Variants in USP43 observed in about 807,000 individuals in gnomAD.
USP43 encodes the protein ubiquitin carboxyl-terminal hydrolase 43.
A neutral mutation model predicts 90.7 loss-of-function variants in USP43; 33 were observed. The observed-to-expected ratio is 0.36, with a 90% confidence interval of 0.28 to 0.49. USP43 has a LOEUF of 0.49. USP43 is among the 20% of genes least tolerant of loss of function. USP43 has a pLI of 0.98. For synonymous variants in USP43, 598 were observed against 615.8 expected (o/e 0.97, Z 0.43); for missense variants, 1,274 against 1,476.4 (o/e 0.86, Z 2.25).
Position 9,686,873 on chromosome 17 carries a change from G to A in USP43, c.1317G>A (p.Lys439=). The change falls in exon 8 of 15, where the codon AAG becomes AAA. Residue 439 remains lysine (K), a synonymous_variant. Coordinates refer to ENST00000285199, the MANE Select transcript of USP43 (RefSeq NM_153210.5). This position sits in a 1 kb window ranked among gnomAD's most constrained non-coding sequence, Gnocchi z 5.5. ...AGCTCCAGCAGTCTATCCTCAGCAA[G>A]GTCCGCCATCTTATGAAGAGTGAGG... is the stretch of plus-strand genomic sequence containing the variant. ...WAQLQQSILS[K]VRHLMKSEAP... The A allele has an allele frequency of 3.7e-6, 6 of 1,613,842 alleles. No individual in the cohort carries two copies. Among genetic ancestry groups the A allele is most frequent in the Non-Finnish European group, 4.2e-6 (5 of 1,179,878 alleles).
intron 6 of USP43, among the ~76,000 whole-genome samples, chr17:9,681,481 T>TAAA (rs1471434964): frequency 7.5e-4 from 20 of 26,662 alleles, no homozygotes; most frequent in African/African-American, 3.5e-3. Flanking sequence ...TATATATATA[T>TAAA]ATATATATAT....
chr17:9,664,459 C>G (rs1912867771), intron 2 of USP43, among the ~76,000 whole-genome samples: 1 of 152,194 alleles, frequency 6.6e-6, no homozygotes, highest in Non-Finnish European at 1.5e-5. Context: ...GTACACCTCA[C>G]TGCCTGCCTG....
At position 9,729,206 on chromosome 17, in the gene USP43, T is replaced by C. The variant is rs375666909; in HGVS notation, c.*216T>C. On this transcript the variant is annotated 3_prime_UTR_variant, in exon 15 of 15. Transcript: ENST00000285199. ...TCGAAAACCTTCCTGCATCATTGGG[T>C]GCTTTGCTACAGTTTGGCCACTAGA... is the stretch of plus-strand genomic sequence containing the variant. The C allele has an allele frequency of 1.3e-5, 5 of 383,026 alleles. No individual in the cohort carries two copies. Among genetic ancestry groups the C allele is most frequent in the African/African-American group, 4.2e-5 (2 of 48,094 alleles). The allele number at this position is 383,026 out of a possible 1,614,324, so 23.7% of individuals were successfully genotyped here.
At chr17:9,676,721 G>A in intron 4 of USP43, 25 bp from the exon 5 acceptor site, 3 of 1,607,864 alleles carry the variant, frequency 1.9e-6, no homozygotes, top group Non-Finnish European at 2.5e-6. Context: ...GTCCTTTAAG[G>A]GTGTTGCCCC....
intron 14 of USP43, among the ~76,000 whole-genome samples, chr17:9,722,240 C>G (rs1487286046): frequency 6.6e-6 from 1 of 152,038 alleles, no homozygotes; most frequent in Non-Finnish European, 1.5e-5. Flanking sequence ...ATAATCCCAC[C>G]CTTTTCTTCT....
At chr17:9,647,164 C>T (rs1278900670) in intron 1 of USP43, 1 of 151,238 alleles carries the variant, frequency 6.6e-6, no homozygotes, top group Non-Finnish European at 1.5e-5. Context: ...GATTGTTGTT[C>T]TTGGGGGAGG....
chr17:9,681,206 A>G (rs757685019), intron 6 of USP43, among the ~76,000 whole-genome samples: 3,113 of 62,310 alleles, frequency 0.05, 710 homozygotes, highest in African/African-American at 0.18. Flanking sequence ...ATACTATATA[A>G]TATATACATT....
At chr17:9,694,611 T>A (rs977975865) in intron 9 of USP43, among the ~76,000 whole-genome samples, 1 of 152,074 alleles carries the variant, frequency 6.6e-6, no homozygotes, top group African/African-American at 2.4e-5. Flanking sequence ...TTTTATTATT[T>A]ATTATTTATT....
At chr17:9,647,061 C>G (rs1428338800) in intron 1 of USP43, 1 of 79,814 alleles carries the variant, frequency 1.3e-5, no homozygotes, top group Non-Finnish European at 2.5e-5. Flanking sequence ...TTGCTTCCTG[C>G]AAAAAAAAAA....
chr17:9,692,047 A>G (rs1234416811), intron 8 of USP43, among the ~76,000 whole-genome samples: 1 of 149,926 alleles, frequency 6.7e-6, no homozygotes, highest in Non-Finnish European at 1.5e-5. Context: ...ATCTCGAAAA[A>G]AAAAGAAAAT....
intron 13 of USP43, 34 bp from the exon 14 acceptor site, chr17:9,711,934 G>A (rs1436890315): frequency 1.3e-6 from 2 of 1,550,738 alleles, no homozygotes; most frequent in Non-Finnish European, 1.7e-6. Flanking sequence ...TGCTGGGGTT[G>A]GGCTCAGCCT....
Position 9,709,440 on chromosome 17 carries a change from G to T in USP43, c.2012-516G>T, listed in dbSNP as rs952403523. ...TTAAAATAACAGCACTCTTGGCCGGGCATGGTGGCTCAGGCCTGTAATCCC... is the reference window on the plus strand; with the variant it reads ...TTAAAATAACAGCACTCTTGGCCGGTCATGGTGGCTCAGGCCTGTAATCCC... On this transcript the variant is annotated intron_variant, in intron 12 of 14. Transcript: ENST00000285199. This position sits in a 1 kb window ranked among gnomAD's most constrained non-coding sequence, Gnocchi z 5.0. Among the ~76,000 whole-genome samples the T allele has an allele frequency of 3.3e-5, 5 of 152,178 alleles. No individual in the cohort carries two copies. Among genetic ancestry groups the T allele is most frequent in the African/African-American group, 1.2e-4 (5 of 41,448 alleles).
intron 14 of USP43, among the ~76,000 whole-genome samples, chr17:9,725,295 C>A (rs944415071): frequency 9.6e-5 from 13 of 136,006 alleles, no homozygotes; most frequent in Admixed American, 7.7e-5. Flanking sequence ...CTCAGACTGG[C>A]TGGAAACAGA....
chr17:9,725,818 T>A (rs1170273828), intron 14 of USP43, among the ~76,000 whole-genome samples: 1 of 152,182 alleles, frequency 6.6e-6, no homozygotes, highest in Admixed American at 6.5e-5. Flanking sequence ...TGCTCTCATT[T>A]TGAAAGGCTA....
At chr17:9,692,396 G>A (rs944362086) in intron 8 of USP43, among the ~76,000 whole-genome samples, 1 of 152,188 alleles carries the variant, frequency 6.6e-6, no homozygotes, top group Non-Finnish European at 1.5e-5. Context: ...CCCAGTGGGT[G>A]TGAAGTGGTA....
chr17:9,659,001 A>C (rs1015702548), intron 2 of USP43, among the ~76,000 whole-genome samples: 1 of 152,224 alleles, frequency 6.6e-6, no homozygotes, highest in Non-Finnish European at 1.5e-5. Context: ...GCATGTGGCC[A>C]GAAGAATGGA....
In USP43 at chr17:9,683,237, G is replaced by A. The variant is rs777788830; in HGVS notation, c.1241+279G>A. Among the ~76,000 whole-genome samples, 20 of 152,142 alleles carry A rather than the reference G, an allele frequency of 1.3e-4. No homozygotes were observed. In the East Asian group the frequency reaches 2.9e-3, roughly 22 times the overall value. Reference sequence around the variant, plus strand: ...TATTTTATATTGTAAAACCTAGGCGGTGCAGTGCTAAAAGAAACTGGCTAT... The same window carrying A: ...TATTTTATATTGTAAAACCTAGGCGATGCAGTGCTAAAAGAAACTGGCTAT... On this transcript the variant is annotated intron_variant, in intron 7 of 14. Coordinates refer to ENST00000285199, the MANE Select transcript of USP43 (RefSeq NM_153210.5).
At chr17:9,721,804 A>G (rs1042198463) in intron 14 of USP43, among the ~76,000 whole-genome samples, 20 of 143,790 alleles carry the variant, frequency 1.4e-4, no homozygotes, top group African/African-American at 5.0e-4. Context: ...GCTCGCTGCA[A>G]CCTCCACCTC....
chr17:9,697,218 A>AAAATAAAT (rs1024126828), intron 9 of USP43, among the ~76,000 whole-genome samples: 3 of 152,114 alleles, frequency 2.0e-5, no homozygotes, highest in Admixed American at 2.0e-4. Context: ...CTCTGTCTCA[A>AAAATAAAT]AAATAAATAA....
Sources: gnomAD v4.1 joint callset for allele counts (sites outside exome capture counted in the v4.1 genomes callset) on GRCh38, gnomAD v4.1.1 for gene constraint, Gnocchi (gnomAD v3.1) non-coding constraint, MANE v1.5 for transcripts, NCBI Gene and HGNC (gene_info 2026-07-23, HGNC 2026-07-21) for gene names.